GNG7: variants seen among roughly 807,000 people sequenced by gnomAD.
GNG7 encodes guanine nucleotide-binding protein G(I)/G(S)/G(O) subunit gamma-7.
A neutral mutation model predicts 4.0 loss-of-function variants in GNG7; 1 was observed. That is an observed-to-expected ratio of 0.25 (90% CI 0.09 to 1.18). The LOEUF (loss-of-function observed/expected upper bound fraction) is 1.18, where lower values mean the gene tolerates loss of function less well. GNG7 is among the 50% of genes most tolerant of loss of function. The pLI is 0.50. For missense variants in GNG7, 86 were observed against 91.9 expected, an observed-to-expected ratio of 0.94 and a Z score of 0.26; for synonymous variants, 34 against 36.9, an observed-to-expected ratio of 0.92 and a Z score of 0.29.
chr19:2,677,619 C>T (rs192805533), intron 1 of GNG7, among the ~76,000 whole-genome samples: 2 of 152,344 alleles, frequency 1.3e-5, no homozygotes, highest in African/African-American at 4.8e-5. Flanking sequence ...CTCTCTCCCT[C>T]CCCACTCAGG....
chr19:2,530,923 G>A (rs1978561640), intron 3 of GNG7, among the ~76,000 whole-genome samples: 1 of 152,180 alleles, frequency 6.6e-6, no homozygotes, highest in South Asian at 2.1e-4. Context: ...CAAGGGTACA[G>A]AAATTGAGGT....
intron 2 of GNG7, among the ~76,000 whole-genome samples, chr19:2,631,426 C>A (rs1273633494): frequency 1.2e-4 from 19 of 152,238 alleles, no homozygotes; most frequent in Admixed American, 1.2e-3. Flanking sequence ...TGAGGGTCAG[C>A]AAACCTTTTC....
chr19:2,581,508 GTGT>G (rs1489216846), intron 2 of GNG7, among the ~76,000 whole-genome samples: 1 of 152,112 alleles, frequency 6.6e-6, no homozygotes, highest in Non-Finnish European at 1.5e-5. Flanking sequence ...CTGGTCCCTG[GTGT>G]TGTTTACCAA....
intron 1 of GNG7, among the ~76,000 whole-genome samples, chr19:2,667,041 C>T (rs1055911836): frequency 2.6e-5 from 4 of 152,186 alleles, no homozygotes; most frequent in South Asian, 2.1e-4. Context: ...CACACTCATC[C>T]GGGCGCGGTG....
intron 2 of GNG7, among the ~76,000 whole-genome samples, chr19:2,560,799 A>C (rs988041970): frequency 6.6e-6 from 1 of 152,016 alleles, no homozygotes; most frequent in Non-Finnish European, 1.5e-5. Context: ...TCTACTAAAA[A>C]TACAAAAATT....
intron 3 of GNG7, chr19:2,538,289 C>T (rs1978815460): frequency 4.4e-6 from 2 of 456,426 alleles, no homozygotes; most frequent in Non-Finnish European, 8.8e-6. Flanking sequence ...CCGACCAGGT[C>T]AATTTTAGAG....
rs982605425 is a variant in GNG7, at chr19:2,546,387, C to T, written c.-38+8762G>A. 7.9e-5 allele frequency among the ~76,000 whole-genome samples: 12 copies of T among 152,216 alleles called. No homozygotes were observed. The highest frequency in any genetic ancestry group is 1.0e-4 in the Non-Finnish European group (7 of 68,038). On this transcript the variant is annotated intron_variant, in intron 3 of 4. Transcript: ENST00000382159. The surrounding 1 kb of genome is among the most constrained non-coding windows in gnomAD (Gnocchi z 6.3). The stretch of plus-strand genomic sequence containing the variant: ...TGGGGCCTTCCGTGCCAGCTCTGAC[C>T]GTTGGTGGCTCTGTGACCTCAAGGC...
chr19:2,664,180 G>A (rs1415502366), intron 1 of GNG7, among the ~76,000 whole-genome samples: 4 of 152,094 alleles, frequency 2.6e-5, no homozygotes, highest in South Asian at 2.1e-4. Context: ...CCCTTCCCAC[G>A]CTGACATTCT....
chr19:2,592,662 A>G (rs914346625), intron 2 of GNG7, among the ~76,000 whole-genome samples: 2 of 146,684 alleles, frequency 1.4e-5, no homozygotes, highest in African/African-American at 5.0e-5. Context: ...GCTTGAGCCC[A>G]GGAGGTCGAG....
intron 2 of GNG7, among the ~76,000 whole-genome samples, chr19:2,635,113 C>T (rs1430904727): frequency 2.6e-5 from 4 of 152,224 alleles, no homozygotes; most frequent in Non-Finnish European, 4.4e-5. Context: ...AGCAGCGTCC[C>T]GGGCCTCCAC....
intron 1 of GNG7, among the ~76,000 whole-genome samples, chr19:2,665,361 T>TGCG (rs796484852): frequency 9.0e-5 from 12 of 132,850 alleles, no homozygotes; most frequent in African/African-American, 3.3e-4. Context: ...CAGTGTCCCC[T>TGCG]GGGGGGGGGG....
chr19:2,584,287 T>TAAAAAAAA (rs71337152), intron 2 of GNG7, among the ~76,000 whole-genome samples: 1 of 107,492 alleles, frequency 9.3e-6, no homozygotes, highest in African/African-American at 3.8e-5. Context: ...CGCAAAGAAT[T>TAAAAAAAA]AAAAAAAAAA....
Position 2,557,025 on chromosome 19 carries a change from GCACA to G in GNG7, c.-77-1841_-77-1838del, listed in dbSNP as rs61236677. Reference sequence around the variant, plus strand: ...CCCTCCCACCTCTACACACACACACGCACACACAGACACACGCACACTCACACAC... The same window carrying G: ...CCCTCCCACCTCTACACACACACACGCACAGACACACGCACACTCACACAC... On this transcript the variant is annotated intron_variant, in intron 2 of 4. Coordinates refer to ENST00000382159, the MANE Select transcript of GNG7 (RefSeq NM_052847.3). The surrounding 1 kb of genome is among the most constrained non-coding windows in gnomAD (Gnocchi z 5.1). Among the ~76,000 whole-genome samples the G allele has an allele frequency of 1.3e-5, 2 of 150,608 alleles. No homozygotes were observed. Among genetic ancestry groups the G allele is most frequent in the African/African-American group, 4.9e-5 (2 of 40,680 alleles).
rs963130616 is a variant in GNG7, at chr19:2,546,924, G to A, written c.-38+8225C>T. 6.6e-6 allele frequency among the ~76,000 whole-genome samples: 1 copy of A among 152,122 alleles called. No homozygotes were observed. Among genetic ancestry groups the A allele is most frequent in the Non-Finnish European group, 1.5e-5 (1 of 68,002 alleles). ...TTCTGGGCTTCCCGGCTGAGGAAAT[G>A]CTGTCACCCTGGCCCCGGGCCAGGG... is the stretch of plus-strand genomic sequence containing the variant. On this transcript the variant is annotated intron_variant, in intron 3 of 4. Transcript: ENST00000382159. This position sits in a 1 kb window ranked among gnomAD's most constrained non-coding sequence, Gnocchi z 6.3.
intron 2 of GNG7, among the ~76,000 whole-genome samples, chr19:2,604,249 C>G (rs937038941): frequency 2.6e-5 from 4 of 152,040 alleles, no homozygotes; most frequent in Middle Eastern, 3.4e-3. Context: ...GCAGGAGGAT[C>G]GCTTGAGGCC....
chr19:2,564,375 G>T (rs1979838085), intron 2 of GNG7, among the ~76,000 whole-genome samples: 1 of 152,144 alleles, frequency 6.6e-6, no homozygotes, highest in Non-Finnish European at 1.5e-5. Context: ...GAGGCCAGGA[G>T]TTCGAGACCA....
chr19:2,553,707 T>C (rs556894732), intron 3 of GNG7, among the ~76,000 whole-genome samples: 3 of 130,768 alleles, frequency 2.3e-5, no homozygotes, highest in Non-Finnish European at 3.2e-5. Context: ...GCACATTACA[T>C]ATAATATATT....
intron 2 of GNG7, among the ~76,000 whole-genome samples, chr19:2,631,006 G>T (rs1424685507): frequency 1.3e-5 from 2 of 152,102 alleles, no homozygotes; most frequent in African/African-American, 2.4e-5. Flanking sequence ...TTCCTCCTGA[G>T]TATGTCTGAG....
chr19:2,570,276 T>TTGTATGGTCTGTAGAAC (rs889167538), intron 2 of GNG7, among the ~76,000 whole-genome samples: 2 of 152,280 alleles, frequency 1.3e-5, no homozygotes, highest in African/African-American at 2.4e-5. Context: ...GGCACCATGC[T>TTGTATGGTCTGTAGAAC]TGTATGGTCT....
Sources: allele counts gnomAD v4.1 joint callset (sites outside exome capture counted in the v4.1 genomes callset), GRCh38; gene constraint gnomAD v4.1.1; non-coding constraint Gnocchi (gnomAD v3.1); transcripts MANE v1.5; gene names NCBI Gene and HGNC (gene_info 2026-07-23, HGNC 2026-07-21).